The following MTUS1 variants were observed in gnomAD, a reference collection of about 807,000 sequenced individuals.
The protein encoded by MTUS1 is microtubule-associated tumor suppressor 1.
In MTUS1, 109 loss-of-function variants were observed where a neutral mutation model predicts 120.8. The observed-to-expected ratio is 0.90, with a 90% CI of 0.77 to 1.06. The LOEUF (loss-of-function observed/expected upper bound fraction) is 1.06. Ranked by LOEUF, MTUS1 falls within the 50% of genes least tolerant of loss-of-function variation. The probability of loss-of-function intolerance (pLI) is 0.00; values close to 1 mark genes in which losing one functional copy is unlikely to be tolerated. For synonymous variants in MTUS1, 737 were observed against 550.5 expected (o/e 1.34, Z -4.74); for missense variants, 2,210 against 1,486.3 (o/e 1.49, Z -8.01).
chr8:17,712,862 G>A (rs534185019), intron 6 of MTUS1, among the ~76,000 whole-genome samples: 4 of 151,948 alleles, frequency 2.6e-5, no homozygotes, highest in East Asian at 3.9e-4. Context: ...ACTGGGAAAA[G>A]GTGCTAAAAC....
intron 8 of MTUS1, among the ~76,000 whole-genome samples, chr8:17,660,787 A>G (rs1201557219): frequency 1.3e-5 from 2 of 152,208 alleles, no homozygotes; most frequent in East Asian, 1.9e-4. Context: ...AAATTAAGCC[A>G]TATGATAGAA....
At chr8:17,672,394 A>C (rs938558004) in intron 8 of MTUS1, among the ~76,000 whole-genome samples, 2 of 152,150 alleles carry the variant, frequency 1.3e-5, no homozygotes, top group African/African-American at 4.8e-5. Context: ...AAGAGATACA[A>C]AGTGACTTGT....
intron 1 of MTUS1, among the ~76,000 whole-genome samples, chr8:17,793,520 T>C (rs938783517): frequency 1.7e-4 from 26 of 152,190 alleles, no homozygotes; most frequent in Admixed American, 1.6e-3. Flanking sequence ...ATCAGAGCTC[T>C]AGATGATTTA....
At chr8:17,789,335 T>C (rs1249582877) in intron 1 of MTUS1, among the ~76,000 whole-genome samples, 1 of 152,148 alleles carries the variant, frequency 6.6e-6, no homozygotes, top group African/African-American at 2.4e-5. Flanking sequence ...CCGGCCACTT[T>C]TAGTTTTTAA....
intron 6 of MTUS1, among the ~76,000 whole-genome samples, chr8:17,703,628 C>CA (rs140018758): frequency 0.44 from 50,174 of 114,774 alleles, 10,175 homozygotes; most frequent in East Asian, 0.74. Flanking sequence ...GACTCTGTCT[C>CA]AAAAAAAAAA....
At chr8:17,724,016 T>C in intron 3 of MTUS1, 183 bp from the exon 4 acceptor site, 1 of 590,988 alleles carries the variant, frequency 1.7e-6, no homozygotes. Context: ...TTTTTGATCA[T>C]TTAGAGGCAA....
intron 6 of MTUS1, chr8:17,697,410 G>A (rs775578078): frequency 3.7e-6 from 6 of 1,612,318 alleles, no homozygotes; most frequent in Non-Finnish European, 5.1e-6. Flanking sequence ...TTTCACAGAA[G>A]AGGCAATTTC....
chr8:17,731,437 T>G (rs976904963), intron 3 of MTUS1, among the ~76,000 whole-genome samples: 1 of 152,186 alleles, frequency 6.6e-6, no homozygotes, highest in Non-Finnish European at 1.5e-5. Context: ...TAGAACAGCA[T>G]CTGGCACAAA....
At chr8:17,800,784 G>T (rs554955290) in intron 1 of MTUS1, 3 of 152,344 alleles carry the variant, frequency 2.0e-5, no homozygotes, top group East Asian at 1.9e-4. Context: ...GGTGGGCGGC[G>T]TAAGGAGTCC....
intron 1 of MTUS1, among the ~76,000 whole-genome samples, chr8:17,757,424 G>C (rs1167720959): frequency 6.6e-6 from 1 of 152,132 alleles, no homozygotes; most frequent in Non-Finnish European, 1.5e-5. Context: ...TACTGATGAT[G>C]GCTGCACAAT....
At chr8:17,682,920 AAAAAC>A (rs143578865) in intron 7 of MTUS1, among the ~76,000 whole-genome samples, 26,147 of 70,896 alleles carry the variant, frequency 0.37, 2,457 homozygotes, top group South Asian at 0.51. Flanking sequence ...TCCCCTCAAA[AAAAAC>A]AAAAACAAAA....
At chr8:17,672,122 G>C (rs971167377) in intron 8 of MTUS1, among the ~76,000 whole-genome samples, 1 of 152,152 alleles carries the variant, frequency 6.6e-6, no homozygotes, top group African/African-American at 2.4e-5. Context: ...TGAGTTTGAA[G>C]AGCCTGTCGT....
Position 17,662,848 on chromosome 8 carries a change from A to G in MTUS1, c.2906-6783T>C, listed in dbSNP as rs1251158713. Reference sequence around the variant, plus strand: ...CTCAGGATTTAAGGAAAAAGAGAAAAAAAAAAAAAGAAAAAGGAAGAAAGG... The same window carrying G: ...CTCAGGATTTAAGGAAAAAGAGAAAGAAAAAAAAAGAAAAAGGAAGAAAGG... On this transcript the variant is annotated intron_variant, in intron 8 of 14. Transcript: ENST00000693296. 6.0e-5 allele frequency among the ~76,000 whole-genome samples: 9 copies of G among 149,562 alleles called. No individual in the cohort carries two copies. In the Admixed American group the frequency reaches 6.0e-4, roughly 10 times the overall value.
Position 17,649,966 on chromosome 8 carries a change from G to C in MTUS1, c.3385-4C>G, listed in dbSNP as rs189317596. 168 of 1,469,934 alleles carry C rather than the reference G, an allele frequency of 1.1e-4. No homozygotes were observed. In the African/African-American group the frequency reaches 1.8e-3, roughly 16 times the overall value. 91.1% of individuals were successfully genotyped at this position (1,469,934 alleles called of 1,614,324 possible). A position where few individuals can be genotyped will look rare whatever the true frequency, so the allele number is the denominator to read the frequency against. On this transcript the variant is annotated splice_polypyrimidine_tract_variant and splice_region_variant and intron_variant, in intron 12 of 14. Coordinates refer to ENST00000693296, the MANE Select transcript of MTUS1 (RefSeq NM_001363059.2). ...GATACATGATCTGAGGATTTTTCTGGAAAGGACACAGCAAGATACTGCTCT... is the reference window on the plus strand; with the variant it reads ...GATACATGATCTGAGGATTTTTCTGCAAAGGACACAGCAAGATACTGCTCT...
intron 1 of MTUS1, among the ~76,000 whole-genome samples, chr8:17,765,678 CCA>C (rs60406848): frequency 0.16 from 21,052 of 129,940 alleles, 1,599 homozygotes; most frequent in Middle Eastern, 0.21. Context: ...AATACAGACA[CCA>C]CACACACACA....
intron 1 of MTUS1, among the ~76,000 whole-genome samples, chr8:17,762,507 G>A (rs964532123): frequency 6.6e-6 from 1 of 152,234 alleles, no homozygotes; most frequent in Admixed American, 6.5e-5. Context: ...GCCACCTCAA[G>A]CACTACGTTT....
At chr8:17,731,481 A>G (rs1001407886) in intron 3 of MTUS1, among the ~76,000 whole-genome samples, 8 of 152,194 alleles carry the variant, frequency 5.3e-5, no homozygotes, top group Admixed American at 6.5e-5. Context: ...AGCGCTCGCC[A>G]TCCACCAAAA....
At chr8:17,785,774 C>G (rs1457054078) in intron 1 of MTUS1, among the ~76,000 whole-genome samples, 3 of 152,128 alleles carry the variant, frequency 2.0e-5, no homozygotes, top group African/African-American at 7.2e-5. Flanking sequence ...CAGTTTCTCA[C>G]CTCTGCAAAG....
At chr8:17,740,429 A>G (rs940976316) in intron 3 of MTUS1, among the ~76,000 whole-genome samples, 2 of 152,188 alleles carry the variant, frequency 1.3e-5, no homozygotes, top group Non-Finnish European at 2.9e-5. Flanking sequence ...AGTATGGTGG[A>G]TATCCATTTG....
Sources: gnomAD v4.1 joint callset for allele counts (sites outside exome capture counted in the v4.1 genomes callset) on GRCh38, gnomAD v4.1.1 for gene constraint, MANE v1.5 for transcripts, NCBI Gene and HGNC (gene_info 2026-07-23, HGNC 2026-07-21) for gene names.